Variants in TMEM132D observed in about 807,000 individuals in gnomAD.
TMEM132D encodes mature OL transmembrane protein.
In TMEM132D, 21 loss-of-function variants were observed where a neutral mutation model predicts 62.3. That is an observed-to-expected ratio of 0.34 (90% CI 0.24 to 0.49). The LOEUF is 0.49. Ranked by LOEUF, TMEM132D falls within the 20% of genes least tolerant of loss-of-function variation. The probability of loss-of-function intolerance (pLI) is 0.99; values close to 1 mark genes in which losing one functional copy is unlikely to be tolerated. For missense variants in TMEM132D, 1,346 were observed against 1,402.8 expected (o/e 0.96, Z 0.65); for synonymous variants, 621 against 575.6 (o/e 1.08, Z -1.13).
chr12:129,379,975 A>G (rs1194706147), intron 3 of TMEM132D, among the ~76,000 whole-genome samples: 1 of 152,216 alleles, frequency 6.6e-6, no homozygotes, highest in Non-Finnish European at 1.5e-5. Context: ...TTACTTTCAT[A>G]TATTTATAAG....
At chr12:129,443,379 C>A (rs546289859) in intron 3 of TMEM132D, among the ~76,000 whole-genome samples, 8 of 152,288 alleles carry the variant, frequency 5.3e-5, no homozygotes, top group African/African-American at 1.9e-4. Flanking sequence ...ACTGTTAAGT[C>A]CCATTCTGAT....
chr12:129,772,562 G>A (rs1461217774), intron 1 of TMEM132D, among the ~76,000 whole-genome samples: 2 of 152,096 alleles, frequency 1.3e-5, no homozygotes, highest in Non-Finnish European at 2.9e-5. Context: ...CATAAATCCC[G>A]TGGCATGGTC....
In TMEM132D at chr12:129,827,429, C is replaced by T. The variant is rs1239278194; in HGVS notation, c.79+75832G>A. Among the ~76,000 whole-genome samples the T allele has an allele frequency of 6.6e-6, 1 of 152,174 alleles. No individual in the cohort carries two copies. The highest frequency in any genetic ancestry group is 1.5e-5 in the Non-Finnish European group (1 of 68,042). On this transcript the variant is annotated intron_variant, in intron 1 of 8. Coordinates refer to ENST00000422113, the MANE Select transcript of TMEM132D (RefSeq NM_133448.3). The surrounding 1 kb of genome is among the most constrained non-coding windows in gnomAD (Gnocchi z 9.7). Reference sequence around the variant, plus strand: ...TGAACCAAAACAGGCTTTCTTCTCCCTTCCATGGTCCTCATATAAGCAAGG... The same window carrying T: ...TGAACCAAAACAGGCTTTCTTCTCCTTTCCATGGTCCTCATATAAGCAAGG...
chr12:129,661,074 A>G lies in TMEM132D; in HGVS notation c.968+38736T>C, dbSNP rs1450142584. Among the ~76,000 whole-genome samples the G allele has an allele frequency of 2.0e-5, 3 of 152,210 alleles. No individual in the cohort carries two copies. The East Asian group carries it at 5.8e-4, about 29-fold the overall frequency. The stretch of plus-strand genomic sequence containing the variant: ...CCTGGTAAACAGGGGAAGCATCTAA[A>G]AGGAGGGAAAACGTCACTTCTAGGA... On this transcript the variant is annotated intron_variant, in intron 2 of 8. Transcript: ENST00000422113.
intron 3 of TMEM132D, among the ~76,000 whole-genome samples, chr12:129,365,889 G>C (rs984164555): frequency 2.0e-5 from 3 of 152,108 alleles, no homozygotes; most frequent in South Asian, 2.1e-4. Context: ...CCTGGACAGG[G>C]AATCCAGGCA....
chr12:129,313,870 G>A (rs1868395285), intron 4 of TMEM132D, among the ~76,000 whole-genome samples: 1 of 152,056 alleles, frequency 6.6e-6, no homozygotes, highest in African/African-American at 2.4e-5. Context: ...ACACCAACAT[G>A]TACGGTTTTA....
chr12:129,179,515 C>T (rs1302359473), intron 5 of TMEM132D, among the ~76,000 whole-genome samples: 2 of 152,128 alleles, frequency 1.3e-5, no homozygotes, highest in East Asian at 3.9e-4. Context: ...GGCGATATTG[C>T]TGCTGCTACT....
intron 5 of TMEM132D, among the ~76,000 whole-genome samples, chr12:129,169,773 A>C (rs7303187): frequency 0.31 from 46,795 of 152,114 alleles, 7,675 homozygotes; most frequent in African/African-American, 0.43. Context: ...TGCTTTGAGC[A>C]TCTGTGTATA....
chr12:129,235,914 T>C (rs926115323), intron 4 of TMEM132D, among the ~76,000 whole-genome samples: 8 of 152,306 alleles, frequency 5.3e-5, no homozygotes, highest in African/African-American at 1.4e-4. Flanking sequence ...GGGGACTGCA[T>C]TGAATCTGTA....
chr12:129,388,653 T>A (rs1339408721), intron 3 of TMEM132D, among the ~76,000 whole-genome samples: 1 of 127,168 alleles, frequency 7.9e-6, no homozygotes, highest in Non-Finnish European at 1.8e-5. Context: ...CTCATCCTAA[T>A]ATAAACACTA....
chr12:129,190,080 GGAAGGGAGTCTCAGGCTTGCAGAT>G (rs1171551124), intron 5 of TMEM132D, among the ~76,000 whole-genome samples: 1 of 150,466 alleles, frequency 6.6e-6, no homozygotes, highest in African/African-American at 2.5e-5. Context: ...TGCAGATGGA[GGAAGGGAGTCTCAGGCTTGCAGAT>G]GGAGGGAGGG....
intron 3 of TMEM132D, among the ~76,000 whole-genome samples, chr12:129,515,759 G>A (rs563238159): frequency 4.6e-4 from 70 of 152,172 alleles, no homozygotes; most frequent in Non-Finnish European, 7.5e-4. Flanking sequence ...TATTACCAAC[G>A]GACCATATCC....
chr12:129,293,173 T>G (rs1881491438), intron 4 of TMEM132D, among the ~76,000 whole-genome samples: 1 of 152,090 alleles, frequency 6.6e-6, no homozygotes, highest in African/African-American at 2.4e-5. Context: ...GCAAGCATCC[T>G]CATGTGCCCA....
chr12:129,878,375 G>T (rs1470892422), intron 1 of TMEM132D, among the ~76,000 whole-genome samples: 1 of 152,166 alleles, frequency 6.6e-6, no homozygotes, highest in Non-Finnish European at 1.5e-5. Flanking sequence ...GTGGACAGCT[G>T]CCACCTTCAC....
chr12:129,134,132 G>C (rs529399485), intron 5 of TMEM132D, among the ~76,000 whole-genome samples: 36 of 119,542 alleles, frequency 3.0e-4, no homozygotes, highest in East Asian at 1.2e-3. Flanking sequence ...GTGTGTGTGT[G>C]TCTGTGTGTG....
intron 2 of TMEM132D, among the ~76,000 whole-genome samples, chr12:129,644,142 C>A (rs1458593020): frequency 6.6e-6 from 1 of 152,140 alleles, no homozygotes; most frequent in Non-Finnish European, 1.5e-5. Context: ...GTACTTCTTA[C>A]ACATATTGAT....
chr12:129,894,488 T>G (rs745801286), intron 1 of TMEM132D, among the ~76,000 whole-genome samples: 1 of 152,156 alleles, frequency 6.6e-6, no homozygotes, highest in Non-Finnish European at 1.5e-5. Context: ...GTGGGATCCT[T>G]AAAGACCCCG....
chr12:129,466,614 A>C (rs537349295), intron 3 of TMEM132D, among the ~76,000 whole-genome samples: 2 of 152,010 alleles, frequency 1.3e-5, no homozygotes, highest in Non-Finnish European at 2.9e-5. Flanking sequence ...TAGCTCATTC[A>C]CTTAACACAC....
chr12:129,613,323 A>C lies in TMEM132D; in HGVS notation c.969-82118T>G, dbSNP rs1878826170. On this transcript the variant is annotated intron_variant, in intron 2 of 8. Transcript: ENST00000422113. The stretch of plus-strand genomic sequence containing the variant: ...AAACCCCGAATTCCTGCATTGTAAC[A>C]AAGGTCTCATGTAAGTTGATGGAGC... 2.0e-5 allele frequency among the ~76,000 whole-genome samples: 3 copies of C among 152,166 alleles called. No individual in the cohort carries two copies. The South Asian group carries it at 6.2e-4, about 31-fold the overall frequency.
Sources: gnomAD v4.1 joint callset for allele counts (sites outside exome capture counted in the v4.1 genomes callset) on GRCh38, gnomAD v4.1.1 for gene constraint, Gnocchi (gnomAD v3.1) non-coding constraint, MANE v1.5 for transcripts, NCBI Gene and HGNC (gene_info 2026-07-23, HGNC 2026-07-21) for gene names.